Variants in FBXW7 observed in about 807,000 individuals in gnomAD.
FBXW7 encodes F-box and WD repeat domain containing 7.
FBXW7 carries 11 observed loss-of-function variants against 86.3 expected under a neutral mutation model. That is an observed-to-expected ratio of 0.13 (90% confidence interval 0.08 to 0.21). The LOEUF (loss-of-function observed/expected upper bound fraction) is 0.21, where lower values mean the gene tolerates loss of function less well. Among genes scored for constraint, FBXW7 ranks in the 10% least tolerant of loss-of-function variants. The pLI, the probability that FBXW7 is intolerant of heterozygous loss-of-function variation, is 1.00. For missense variants in FBXW7, 488 were observed against 847.4 expected (o/e 0.58, Z 5.27); for synonymous variants, 313 against 297.9 (o/e 1.05, Z -0.52).
chr4:152,352,045 G>A (rs1731870391), intron 4 of FBXW7, among the ~76,000 whole-genome samples: 1 of 152,046 alleles, frequency 6.6e-6, no homozygotes, highest in Non-Finnish European at 1.5e-5. Context: ...AAGTAAACAT[G>A]ATCTCTTTAA....
intron 2 of FBXW7, among the ~76,000 whole-genome samples, chr4:152,437,665 A>T (rs1446129293): frequency 6.6e-6 from 1 of 152,240 alleles, no homozygotes; most frequent in African/African-American, 2.4e-5. Context: ...AAATGCTATC[A>T]AACAGCATCA....
chr4:152,357,088 A>G (rs1004345825), intron 4 of FBXW7, among the ~76,000 whole-genome samples: 1 of 152,188 alleles, frequency 6.6e-6, no homozygotes, highest in African/African-American at 2.4e-5. Context: ...AGCCAGCTTT[A>G]GTTCAAAACT....
rs200183394 is a variant in FBXW7 at position 152,535,998 on chromosome 4, AGCGGCG to A, written c.-1090_-1085del. ...CGGATGCTCCTTCGCTCTCAGTCTCAGCGGCGGCGGCGGCGGCAGCGGCAGCGGCAG... is the reference window on the plus strand; with the variant it reads ...CGGATGCTCCTTCGCTCTCAGTCTCAGCGGCGGCGGCAGCGGCAGCGGCAG... On this transcript the variant is annotated 5_prime_UTR_variant, in exon 1 of 14. Coordinates refer to ENST00000281708, the MANE Select transcript of FBXW7 (RefSeq NM_001349798.2). The A allele has an allele frequency of 0.023, 5,523 of 239,320 alleles. 129 individuals carry two copies. The highest frequency in any genetic ancestry group is 0.061 in the African/African-American group (2,649 of 43,634). 14.8% of individuals were successfully genotyped at this position (239,320 alleles called of 1,614,324 possible). A position where few individuals can be genotyped will look rare whatever the true frequency, so the allele number is the denominator to read the frequency against.
At chr4:152,391,415 T>C (rs1256272980) in intron 4 of FBXW7, among the ~76,000 whole-genome samples, 1 of 152,070 alleles carries the variant, frequency 6.6e-6, no homozygotes, top group East Asian at 1.9e-4. Context: ...TTCTTTACAG[T>C]AAGTAAAACA....
intron 4 of FBXW7, among the ~76,000 whole-genome samples, chr4:152,354,255 A>T (rs982961561): frequency 2.3e-4 from 35 of 152,174 alleles, no homozygotes; most frequent in African/African-American, 8.4e-4. Context: ...TGGCTCTTAA[A>T]TTAATTCTTA....
At chr4:152,359,573 G>A (rs1459697507) in intron 4 of FBXW7, among the ~76,000 whole-genome samples, 1 of 151,884 alleles carries the variant, frequency 6.6e-6, no homozygotes, top group East Asian at 1.9e-4. Flanking sequence ...TGGGTGATAA[G>A]GCAAGACTCT....
At position 152,429,950 on chromosome 4, in the gene FBXW7, A is replaced by G. The variant is rs182684570; in HGVS notation, c.-119-17421T>C. Reference sequence around the variant, plus strand: ...CTAAATTGGTGTTGTAGAAAAAAGAAGGCATATTTTATGGCTTTGTTGTTG... The same window carrying G: ...CTAAATTGGTGTTGTAGAAAAAAGAGGGCATATTTTATGGCTTTGTTGTTG... On this transcript the variant is annotated intron_variant, in intron 2 of 13. Transcript: ENST00000281708. Among the ~76,000 whole-genome samples, 33 of 152,326 alleles carry G rather than the reference A, an allele frequency of 2.2e-4. No individual in the cohort carries two copies. In the East Asian group the frequency reaches 6.0e-3, roughly 28 times the overall value.
At chr4:152,426,110 T>C (rs1292335199) in intron 2 of FBXW7, among the ~76,000 whole-genome samples, 1 of 152,178 alleles carries the variant, frequency 6.6e-6, no homozygotes, top group East Asian at 1.9e-4. Context: ...CCTGGGCAAC[T>C]AGCTGAAGCA....
rs531713020 is a variant in FBXW7, at chr4:152,344,045, C to T, written c.726+2885G>A. On this transcript the variant is annotated intron_variant, in intron 6 of 13. Coordinates refer to ENST00000281708, the MANE Select transcript of FBXW7 (RefSeq NM_001349798.2). ...TAAGGGGACAAGCTCTCCCATACTGCTTATTATGCAACAGAAAAGTCATCA... is the reference window on the plus strand; with the variant it reads ...TAAGGGGACAAGCTCTCCCATACTGTTTATTATGCAACAGAAAAGTCATCA... Among the ~76,000 whole-genome samples, 5 of 152,252 alleles carry T rather than the reference C, an allele frequency of 3.3e-5. 1 individual carries two copies. In the South Asian group the frequency reaches 8.3e-4, roughly 25 times the overall value.
chr4:152,374,582 TACTA>T (rs1165156415), intron 4 of FBXW7, among the ~76,000 whole-genome samples: 11 of 152,102 alleles, frequency 7.2e-5, no homozygotes, highest in Non-Finnish European at 1.5e-4. Flanking sequence ...GAAATATTTA[TACTA>T]ACTTTCTCCT....
intron 2 of FBXW7, among the ~76,000 whole-genome samples, chr4:152,444,545 G>T (rs1305391069): frequency 6.6e-6 from 1 of 151,968 alleles, no homozygotes; most frequent in Non-Finnish European, 1.5e-5. Context: ...TACCACAAAA[G>T]AACCAATTTA....
intron 2 of FBXW7, among the ~76,000 whole-genome samples, chr4:152,482,468 C>T (rs1579317938): frequency 6.6e-6 from 1 of 152,218 alleles, no homozygotes; most frequent in Non-Finnish European, 1.5e-5. Flanking sequence ...GAGGTGGCCA[C>T]TAGAACTCCT....
At chr4:152,370,376 CA>C (rs1450129346) in intron 4 of FBXW7, among the ~76,000 whole-genome samples, 1 of 151,920 alleles carries the variant, frequency 6.6e-6, no homozygotes, top group Non-Finnish European at 1.5e-5. Flanking sequence ...TAATCATAAA[CA>C]AATGGCTAAT....
chr4:152,449,764 C>G (rs1412974427), intron 2 of FBXW7, among the ~76,000 whole-genome samples: 2 of 152,178 alleles, frequency 1.3e-5, no homozygotes, highest in Admixed American at 1.3e-4. Flanking sequence ...AGCATTCTAC[C>G]TTTGCCAATA....
At chr4:152,457,606 T>TG (rs1742541447) in intron 2 of FBXW7, among the ~76,000 whole-genome samples, 1 of 135,048 alleles carries the variant, frequency 7.4e-6, no homozygotes, top group African/African-American at 2.9e-5. Context: ...ATCGTGCCAC[T>TG]GCACTCCAGC....
intron 2 of FBXW7, among the ~76,000 whole-genome samples, chr4:152,444,019 A>G (rs1741140322): frequency 6.6e-6 from 1 of 150,974 alleles, no homozygotes; most frequent in African/African-American, 2.5e-5. Context: ...CTTCTCTACA[A>G]AGCGTTCTCT....
At chr4:152,438,401 G>A (rs142092938) in intron 2 of FBXW7, among the ~76,000 whole-genome samples, 53 of 152,188 alleles carry the variant, frequency 3.5e-4, no homozygotes, top group African/African-American at 1.3e-3. Context: ...AAAGTGGCCA[G>A]GCACGGTGGC....
chr4:152,329,355 T>C (rs1391728271), intron 10 of FBXW7, among the ~76,000 whole-genome samples: 1 of 151,662 alleles, frequency 6.6e-6, no homozygotes, highest in Non-Finnish European at 1.5e-5. Context: ...ATAACTTAGA[T>C]AGTAAATAAA....
intron 2 of FBXW7, among the ~76,000 whole-genome samples, chr4:152,417,423 C>T (rs1738537576): frequency 6.6e-6 from 1 of 151,952 alleles, no homozygotes; most frequent in South Asian, 2.1e-4. Flanking sequence ...TAGATGGAGC[C>T]AAGCAAGTTA....
Sources: gnomAD v4.1 joint callset for allele counts (sites outside exome capture counted in the v4.1 genomes callset) on GRCh38, gnomAD v4.1.1 for gene constraint, MANE v1.5 for transcripts, NCBI Gene and HGNC (gene_info 2026-07-23, HGNC 2026-07-21) for gene names.